TMEM132B: variants seen among roughly 807,000 people sequenced by gnomAD.
The protein encoded by TMEM132B is transmembrane protein 132B.
Under a neutral mutation model 90.8 loss-of-function variants are expected in TMEM132B, and 18 were observed. The observed-to-expected ratio is 0.20, with a 90% CI of 0.14 to 0.29. The LOEUF is 0.29. Ranked by LOEUF, TMEM132B falls within the 10% of genes least tolerant of loss-of-function variation. TMEM132B has a pLI of 1.00. For missense variants in TMEM132B, 1,096 were observed against 1,326.8 expected (o/e 0.83, Z 2.70); for synonymous variants, 504 against 523.3 (o/e 0.96, Z 0.50).
At chr12:125,259,706 A>G (rs1019940950) in intron 1 of TMEM132B, among the ~76,000 whole-genome samples, 2 of 152,218 alleles carry the variant, frequency 1.3e-5, no homozygotes, top group Non-Finnish European at 2.9e-5. Flanking sequence ...ATGTGTCTGG[A>G]TAATAGCCCT....
chr12:125,419,197 C>T (rs1307491438), intron 3 of TMEM132B, among the ~76,000 whole-genome samples: 1 of 152,194 alleles, frequency 6.6e-6, no homozygotes, highest in Non-Finnish European at 1.5e-5. Context: ...AACAGGCACA[C>T]CCACGTTGCT....
intron 5 of TMEM132B, among the ~76,000 whole-genome samples, chr12:125,603,553 T>C (rs12304619): frequency 0.55 from 83,146 of 152,030 alleles, 24,541 homozygotes; most frequent in African/African-American, 0.77. Flanking sequence ...AAAGACTTCA[T>C]GATGAAAACA....
chr12:125,548,704 A>G (rs866153617), intron 4 of TMEM132B, among the ~76,000 whole-genome samples: 3 of 152,198 alleles, frequency 2.0e-5, no homozygotes, highest in Admixed American at 6.5e-5. Context: ...ATGTTTTTCT[A>G]TGAATGTGGG....
intron 4 of TMEM132B, among the ~76,000 whole-genome samples, chr12:125,520,836 G>A (rs970376917): frequency 2.6e-5 from 4 of 152,218 alleles, no homozygotes; most frequent in African/African-American, 9.7e-5. Flanking sequence ...GGCTGGCACA[G>A]TTAATGTTTG....
intron 5 of TMEM132B, among the ~76,000 whole-genome samples, chr12:125,632,132 T>A (rs1463064024): frequency 6.6e-6 from 1 of 152,100 alleles, no homozygotes; most frequent in African/African-American, 2.4e-5. Flanking sequence ...CTTGCTTTTT[T>A]ATATTTTATA....
chr12:125,443,007 A>G (rs1007896355), intron 3 of TMEM132B, among the ~76,000 whole-genome samples: 1 of 152,230 alleles, frequency 6.6e-6, no homozygotes, highest in Non-Finnish European at 1.5e-5. Flanking sequence ...CCCAGGACAC[A>G]TGCAGACTTT....
intron 3 of TMEM132B, among the ~76,000 whole-genome samples, chr12:125,442,125 C>T (rs1274658969): frequency 6.6e-6 from 1 of 152,186 alleles, no homozygotes; most frequent in Admixed American, 6.5e-5. Flanking sequence ...AACAGCTTTG[C>T]CAGAGGCCTA....
intron 5 of TMEM132B, among the ~76,000 whole-genome samples, chr12:125,594,956 C>T (rs1437967479): frequency 6.6e-6 from 1 of 152,038 alleles, no homozygotes; most frequent in Non-Finnish European, 1.5e-5. Flanking sequence ...GCTCAGTGTT[C>T]TCAGGAAATG....
At chr12:125,579,124 A>G (rs969007910) in intron 4 of TMEM132B, among the ~76,000 whole-genome samples, 3 of 151,948 alleles carry the variant, frequency 2.0e-5, no homozygotes, top group Admixed American at 6.6e-5. Flanking sequence ...TGCTGTATTT[A>G]TACTATTTTT....
chr12:125,224,739 T>G (rs1171069682), intron 1 of TMEM132B, among the ~76,000 whole-genome samples: 1 of 152,260 alleles, frequency 6.6e-6, no homozygotes, highest in Non-Finnish European at 1.5e-5. Flanking sequence ...TAGAAAGCCT[T>G]CTTCCTCTCC....
intron 5 of TMEM132B, among the ~76,000 whole-genome samples, chr12:125,591,912 C>T (rs181063279): frequency 2.6e-5 from 4 of 152,286 alleles, no homozygotes; most frequent in Admixed American, 2.6e-4. Context: ...TGCAAATACC[C>T]TTTTTCTAAA....
chr12:125,453,649 G>GGTTA (rs1158188333), intron 3 of TMEM132B, among the ~76,000 whole-genome samples: 5 of 152,164 alleles, frequency 3.3e-5, no homozygotes, highest in African/African-American at 1.2e-4. Context: ...AATTACAGTA[G>GGTTA]GTTAGTCTGT....
chr12:125,323,080 A>G (rs944828107), intron 1 of TMEM132B, among the ~76,000 whole-genome samples: 8 of 152,118 alleles, frequency 5.3e-5, no homozygotes, highest in African/African-American at 9.7e-5. Context: ...TGCCTGGCCT[A>G]TAGCTTATGT....
intron 3 of TMEM132B, among the ~76,000 whole-genome samples, chr12:125,509,557 T>A (rs1361014496): frequency 6.6e-6 from 1 of 152,182 alleles, no homozygotes; most frequent in Admixed American, 6.5e-5. Context: ...CACTTTTTCA[T>A]GCCTGTAGGT....
intron 6 of TMEM132B, among the ~76,000 whole-genome samples, chr12:125,650,215 G>A (rs370149519): frequency 6.6e-6 from 1 of 152,040 alleles, no homozygotes; most frequent in Non-Finnish European, 1.5e-5. Flanking sequence ...TCCTCATGTG[G>A]TACTATGAGA....
At chr12:125,467,680 G>C (rs1005307830) in intron 3 of TMEM132B, among the ~76,000 whole-genome samples, 1 of 152,156 alleles carries the variant, frequency 6.6e-6, no homozygotes, top group Non-Finnish European at 1.5e-5. Flanking sequence ...TCACATTGCT[G>C]TAGAACCATT....
Position 125,458,816 on chromosome 12 carries a change from G to T in TMEM132B, c.1106+43139G>T, listed in dbSNP as rs1386450142. The stretch of plus-strand genomic sequence containing the variant: ...AGATGTTGGGGTCCTGTACACAAAA[G>T]GCACCACAACAGGAGAATGAGTCCT... On this transcript the variant is annotated intron_variant, in intron 3 of 8. Coordinates refer to ENST00000682704, the MANE Select transcript of TMEM132B (RefSeq NM_001366854.1). This position sits in a 1 kb window ranked among gnomAD's most constrained non-coding sequence, Gnocchi z 4.9. 6.6e-6 allele frequency among the ~76,000 whole-genome samples: 1 copy of T among 152,194 alleles called. No homozygotes were observed. The highest frequency in any genetic ancestry group is 1.5e-5 in the Non-Finnish European group (1 of 68,032).
At chr12:125,427,736 G>C (rs890470955) in intron 3 of TMEM132B, among the ~76,000 whole-genome samples, 1 of 152,202 alleles carries the variant, frequency 6.6e-6, no homozygotes, top group Non-Finnish European at 1.5e-5. Context: ...ATAGAGGATA[G>C]AGTTTCTCTT....
intron 4 of TMEM132B, among the ~76,000 whole-genome samples, chr12:125,536,436 G>A (rs1265467105): frequency 6.6e-6 from 1 of 152,212 alleles, no homozygotes; most frequent in African/African-American, 2.4e-5. Context: ...TCTGCTGGCA[G>A]ATAGCTAGGA....
Sources: allele counts gnomAD v4.1 joint callset (sites outside exome capture counted in the v4.1 genomes callset), GRCh38; gene constraint gnomAD v4.1.1; non-coding constraint Gnocchi (gnomAD v3.1); transcripts MANE v1.5; gene names NCBI Gene and HGNC (gene_info 2026-07-23, HGNC 2026-07-21).